IQGAP2: variants seen among roughly 807,000 people sequenced by gnomAD.
IQGAP2 encodes the protein ras GTPase-activating-like protein IQGAP2.
Under a neutral mutation model 201.3 loss-of-function variants are expected in IQGAP2, and 173 were observed. That is an observed-to-expected ratio of 0.86 (90% CI 0.76 to 0.98). The LOEUF (loss-of-function observed/expected upper bound fraction) is 0.98. Ranked by LOEUF, IQGAP2 falls within the 50% of genes least tolerant of loss-of-function variation. IQGAP2 has a pLI of 0.00. For missense variants in IQGAP2, 1,687 were observed against 1,864.8 expected (o/e 0.90, Z 1.76); for synonymous variants, 675 against 673.9 (o/e 1.00, Z -0.03).
chr5:76,689,391 G>C (rs1039047593), intron 30 of IQGAP2, among the ~76,000 whole-genome samples: 8 of 151,978 alleles, frequency 5.3e-5, no homozygotes, highest in African/African-American at 1.9e-4. Flanking sequence ...ATAATATAGA[G>C]GAGAGGGGAA....
chr5:76,628,934 A>T (rs1750472032), intron 14 of IQGAP2, among the ~76,000 whole-genome samples: 1 of 152,252 alleles, frequency 6.6e-6, no homozygotes, highest in Non-Finnish European at 1.5e-5. Flanking sequence ...ATTGTAATTT[A>T]GACATTCAAA....
In IQGAP2 at chr5:76,683,713, A is replaced by T. The variant is rs76821689; in HGVS notation, c.3764-63A>T. ...CTTTCCCACAGAACCTTTATCTTAC[A>T]TTGTTGGTGCCATCATCACAAAGAG... is the stretch of plus-strand genomic sequence containing the variant. On this transcript the variant is annotated intron_variant, in intron 29 of 35. Coordinates refer to ENST00000274364, the MANE Select transcript of IQGAP2 (RefSeq NM_006633.5). The T allele has an allele frequency of 3.0e-4, 451 of 1,480,690 alleles. 1 individual carries two copies. The East Asian group carries it at 9.0e-3, about 29-fold the overall frequency. The allele number at this position is 1,480,690 out of a possible 1,614,324, so 91.7% of individuals were successfully genotyped here. A position where few individuals can be genotyped will look rare whatever the true frequency, so the allele number is the denominator to read the frequency against.
intron 2 of IQGAP2, among the ~76,000 whole-genome samples, chr5:76,495,363 T>C (rs1329965552): frequency 6.6e-6 from 1 of 152,188 alleles, no homozygotes; most frequent in Non-Finnish European, 1.5e-5. Context: ...GGACTTATCA[T>C]GATCAATTTG....
chr5:76,505,817 C>T (rs1180311833), intron 2 of IQGAP2, among the ~76,000 whole-genome samples: 1 of 152,104 alleles, frequency 6.6e-6, no homozygotes, highest in Non-Finnish European at 1.5e-5. Flanking sequence ...TACTTAGCAC[C>T]CATTATGTTC....
rs953654140 is a variant in IQGAP2 at position 76,654,113 on chromosome 5, C to T, written c.2179-87C>T. ...TATCATTGTTTTTAGAAAAACTACA[C>T]AAAACCGTATTACGGGTTGTTTGGT... On this transcript the variant is annotated intron_variant, in intron 18 of 35. Coordinates refer to ENST00000274364, the MANE Select transcript of IQGAP2 (RefSeq NM_006633.5). 18 of 858,122 alleles carry T rather than the reference C, an allele frequency of 2.1e-5. No individual in the cohort carries two copies. The Admixed American group carries it at 4.6e-4, about 22-fold the overall frequency. The allele number at this position is 858,122 out of a possible 1,614,324, so 53.2% of individuals were successfully genotyped here. A position where few individuals can be genotyped will look rare whatever the true frequency, so the allele number is the denominator to read the frequency against.
chr5:76,507,459 A>G (rs10066800), intron 2 of IQGAP2, among the ~76,000 whole-genome samples: 35,459 of 152,086 alleles, frequency 0.23, 4,556 homozygotes, highest in East Asian at 0.39. Context: ...TAGAAAATCT[A>G]TTATACATGA....
intron 1 of IQGAP2, among the ~76,000 whole-genome samples, chr5:76,438,310 C>G (rs1752834649): frequency 6.6e-6 from 1 of 152,052 alleles, no homozygotes; most frequent in Admixed American, 6.6e-5. Context: ...CTGATTCAAG[C>G]TAGGAAGGTT....
chr5:76,655,851 T>C (rs995515285), intron 20 of IQGAP2, among the ~76,000 whole-genome samples: 2 of 152,208 alleles, frequency 1.3e-5, no homozygotes, highest in Non-Finnish European at 2.9e-5. Context: ...GTTATTTTGG[T>C]TTTTTACAGA....
intron 13 of IQGAP2, among the ~76,000 whole-genome samples, chr5:76,625,053 A>G (rs1254749466): frequency 6.6e-6 from 1 of 152,228 alleles, no homozygotes; most frequent in African/African-American, 2.4e-5. Context: ...ACTCCATCTC[A>G]AAAATAAAAT....
chr5:76,449,303 A>G (rs568367885), intron 1 of IQGAP2, among the ~76,000 whole-genome samples: 23 of 152,308 alleles, frequency 1.5e-4, no homozygotes, highest in African/African-American at 5.3e-4. Flanking sequence ...ACTGGCTCTG[A>G]TTAATCCCAT....
intron 1 of IQGAP2, among the ~76,000 whole-genome samples, chr5:76,427,140 A>G (rs1752055755): frequency 6.6e-6 from 1 of 152,088 alleles, no homozygotes; most frequent in Admixed American, 6.5e-5. Context: ...GATGTTTAGT[A>G]TCATCCCTGA....
intron 2 of IQGAP2, among the ~76,000 whole-genome samples, chr5:76,545,803 T>C (rs1295065209): frequency 6.6e-6 from 1 of 152,224 alleles, no homozygotes; most frequent in African/African-American, 2.4e-5. Context: ...GCATGTACTT[T>C]TGTGTTACTG....
chr5:76,620,140 T>C (rs147912650), intron 13 of IQGAP2, among the ~76,000 whole-genome samples: 51 of 152,322 alleles, frequency 3.3e-4, no homozygotes, highest in African/African-American at 1.2e-3. Flanking sequence ...TGATTTGATA[T>C]AGCAGCAGTA....
chr5:76,602,490 A>T (rs1475492219), intron 11 of IQGAP2, among the ~76,000 whole-genome samples: 2 of 152,182 alleles, frequency 1.3e-5, no homozygotes, highest in Non-Finnish European at 2.9e-5. Flanking sequence ...TCTATTTGAA[A>T]ACCATATTCA....
chr5:76,471,717 A>G (rs553724140), intron 2 of IQGAP2, among the ~76,000 whole-genome samples: 1 of 152,316 alleles, frequency 6.6e-6, no homozygotes, highest in South Asian at 2.1e-4. Flanking sequence ...TTAAAAAAAA[A>G]AAGAGAATCT....
rs546424160 is a variant in IQGAP2 at position 76,517,353 on chromosome 5, G to A, written c.147-45043G>A. ...CCCACTCACCATTGCCCCAATTTTT[G>A]TTCCTTCTAACTGCATTCAACTCTT... is the stretch of plus-strand genomic sequence containing the variant. On this transcript the variant is annotated intron_variant, in intron 2 of 35. Coordinates refer to ENST00000274364, the MANE Select transcript of IQGAP2 (RefSeq NM_006633.5). 7.2e-5 allele frequency among the ~76,000 whole-genome samples: 11 copies of A among 152,124 alleles called. No individual in the cohort carries two copies. In the South Asian group the frequency reaches 2.1e-3, roughly 29 times the overall value.
intron 5 of IQGAP2, among the ~76,000 whole-genome samples, chr5:76,584,451 C>T (rs528375938): frequency 8.5e-5 from 13 of 152,238 alleles, no homozygotes; most frequent in Non-Finnish European, 1.8e-4. Context: ...AAGATCACAG[C>T]CCACAAAACG....
At chr5:76,604,959 A>G (rs1747699177) in intron 11 of IQGAP2, among the ~76,000 whole-genome samples, 1 of 152,138 alleles carries the variant, frequency 6.6e-6, no homozygotes, top group African/African-American at 2.4e-5. Flanking sequence ...ACTTCATATA[A>G]TGTTTCTTCT....
intron 2 of IQGAP2, among the ~76,000 whole-genome samples, chr5:76,560,498 G>A (rs567670669): frequency 2.0e-5 from 3 of 152,118 alleles, no homozygotes; most frequent in African/African-American, 4.8e-5. Context: ...AATTGATTTT[G>A]TTATACATTA....
Sources: gnomAD v4.1 joint callset for allele counts (sites outside exome capture counted in the v4.1 genomes callset) on GRCh38, gnomAD v4.1.1 for gene constraint, MANE v1.5 for transcripts, NCBI Gene and HGNC (gene_info 2026-07-23, HGNC 2026-07-21) for gene names.